TINAG: variants seen among roughly 807,000 people sequenced by gnomAD.
The protein encoded by TINAG is tubulointerstitial nephritis antigen.
In TINAG, 83 loss-of-function variants were observed where a neutral mutation model predicts 72.7. The ratio of observed to expected loss-of-function variants is 1.14; its 90% CI spans 0.96 to 1.37. The LOEUF (loss-of-function observed/expected upper bound fraction) is 1.37, where lower values mean the gene tolerates loss of function less well. Ranked by LOEUF, TINAG falls within the 40% of genes most tolerant of loss-of-function variation. The probability of loss-of-function intolerance (pLI) is 0.00; values close to 1 mark genes in which losing one functional copy is unlikely to be tolerated. For synonymous variants in TINAG, 234 were observed against 189.9 expected (o/e 1.23, Z -1.91); for missense variants, 685 against 576.6 (o/e 1.19, Z -1.93).
intron 1 of TINAG, among the ~76,000 whole-genome samples, chr6:54,312,166 C>T (rs1784274425): frequency 6.6e-6 from 1 of 152,054 alleles, no homozygotes; most frequent in Non-Finnish European, 1.5e-5. Context: ...TCAAGTGATT[C>T]TCCCACTTTA....
At position 54,380,484 on chromosome 6, in the gene TINAG, C is replaced by T. The variant is rs182997607; in HGVS notation, c.1251-42C>T. ...GCATTCTCTCAAGAAGCAAACCAAA[C>T]ATTTTAACCATACCAATCTTTATTA... On this transcript the variant is annotated intron_variant, in intron 9 of 10. Coordinates refer to ENST00000259782, the MANE Select transcript of TINAG (RefSeq NM_014464.4). 4.8e-4 allele frequency: 754 copies of T among 1,554,950 alleles called. 4 individuals carry two copies. The African/African-American group carries it at 6.9e-3, about 14-fold the overall frequency.
chr6:54,343,453 G>C, intron 5 of TINAG, 104 bp downstream of exon 5: 1 of 1,085,870 alleles, frequency 9.2e-7, no homozygotes. Flanking sequence ...TTAAATATTA[G>C]CATATGATCA....
intron 4 of TINAG, among the ~76,000 whole-genome samples, chr6:54,334,211 G>A (rs562055133): frequency 1.4e-4 from 22 of 152,250 alleles, no homozygotes; most frequent in African/African-American, 3.1e-4. Flanking sequence ...ATGAATGCCC[G>A]GGGCAGAGTG....
intron 9 of TINAG, among the ~76,000 whole-genome samples, chr6:54,365,952 C>A (rs1179498518): frequency 2.0e-5 from 3 of 151,476 alleles, no homozygotes; most frequent in African/African-American, 7.3e-5. Flanking sequence ...CTTGTTTGAG[C>A]CTAGGAGTTC....
chr6:54,372,470 A>G (rs1379832670), intron 9 of TINAG, among the ~76,000 whole-genome samples: 4 of 152,008 alleles, frequency 2.6e-5, no homozygotes, highest in African/African-American at 9.7e-5. Flanking sequence ...ATATAATAGA[A>G]TTCACATAGT....
At chr6:54,358,162 C>A (rs1409602112) in intron 9 of TINAG, among the ~76,000 whole-genome samples, 1 of 151,812 alleles carries the variant, frequency 6.6e-6, no homozygotes, top group African/African-American at 2.4e-5. Context: ...TCAGGTCTCA[C>A]CTTCTTAATA....
intron 1 of TINAG, among the ~76,000 whole-genome samples, chr6:54,318,214 C>T (rs537129879): frequency 6.6e-6 from 1 of 152,140 alleles, no homozygotes. Flanking sequence ...AATTCATGCT[C>T]CAGCCTGGGC....
intron 8 of TINAG, among the ~76,000 whole-genome samples, chr6:54,352,084 T>C (rs1367574973): frequency 6.6e-6 from 1 of 151,866 alleles, no homozygotes; most frequent in African/African-American, 2.4e-5. Flanking sequence ...ATGTATTCCC[T>C]GTATAAACAT....
chr6:54,348,339 G>C (rs1785175895), intron 6 of TINAG, among the ~76,000 whole-genome samples: 1 of 152,054 alleles, frequency 6.6e-6, no homozygotes, highest in African/African-American at 2.4e-5. Flanking sequence ...CTAGTGCTTG[G>C]TTGGCTTGCA....
chr6:54,321,583 A>G (rs1784492018), intron 3 of TINAG, among the ~76,000 whole-genome samples, 197 bp downstream of exon 3: 1 of 152,238 alleles, frequency 6.6e-6, no homozygotes, highest in Non-Finnish European at 1.5e-5. Flanking sequence ...TAATAAATCT[A>G]CAGCATAGCT....
chr6:54,360,313 A>G (rs560190146), intron 9 of TINAG, among the ~76,000 whole-genome samples: 41 of 151,836 alleles, frequency 2.7e-4, no homozygotes, highest in African/African-American at 9.6e-4. Context: ...AATTGAATAA[A>G]TAACACTATT....
chr6:54,357,319 C>T (rs1562171093), intron 9 of TINAG, among the ~76,000 whole-genome samples: 3 of 151,824 alleles, frequency 2.0e-5, no homozygotes, highest in Admixed American at 2.0e-4. Flanking sequence ...GTGAGCTCAT[C>T]ATTCTCTGAG....
rs1360957061 is a variant in TINAG at position 54,326,792 on chromosome 6, T to C, written c.510-10T>C. 1 of 1,578,974 alleles carries C rather than the reference T, an allele frequency of 6.3e-7. No homozygotes were observed. The highest frequency in any genetic ancestry group is 8.6e-7 in the Non-Finnish European group (1 of 1,165,972). ...TATTTTTCTATATTTTTCTCTCATT[T>C]GTAAGGCAGATGGACAGCACAGAAT... On this transcript the variant is annotated splice_polypyrimidine_tract_variant and intron_variant, in intron 3 of 10. Coordinates refer to ENST00000259782, the MANE Select transcript of TINAG (RefSeq NM_014464.4).
chr6:54,388,674 CCTTCATGATATT>C (rs1301267304), intron 10 of TINAG, among the ~76,000 whole-genome samples: 13 of 152,132 alleles, frequency 8.5e-5, no homozygotes. Context: ...TGTCCTTTGG[CCTTCATGATATT>C]CTCCATGTAC....
At chr6:54,382,861 A>G (rs945587561) in intron 10 of TINAG, among the ~76,000 whole-genome samples, 1 of 152,162 alleles carries the variant, frequency 6.6e-6, no homozygotes, top group African/African-American at 2.4e-5. Flanking sequence ...TCCCAAAAGG[A>G]AGGAAAAATC....
chr6:54,313,201 G>A (rs1023057552), intron 1 of TINAG, among the ~76,000 whole-genome samples: 1 of 152,162 alleles, frequency 6.6e-6, no homozygotes, highest in East Asian at 1.9e-4. Context: ...TGTCATGTTG[G>A]TATGATCCTT....
chr6:54,381,970 C>T (rs1476709025), intron 10 of TINAG, among the ~76,000 whole-genome samples: 1 of 152,052 alleles, frequency 6.6e-6, no homozygotes, highest in Admixed American at 6.6e-5. Context: ...CATTCCCACC[C>T]TAGATCCCTA....
chr6:54,322,036 T>C (rs1784502397), intron 3 of TINAG, among the ~76,000 whole-genome samples: 1 of 152,160 alleles, frequency 6.6e-6, no homozygotes, highest in East Asian at 1.9e-4. Context: ...GCGAGGTGGC[T>C]TATGCCTGTA....
At chr6:54,382,276 T>C (rs1763975590) in intron 10 of TINAG, among the ~76,000 whole-genome samples, 1 of 152,060 alleles carries the variant, frequency 6.6e-6, no homozygotes, top group Non-Finnish European at 1.5e-5. Flanking sequence ...GCACATTAAT[T>C]GAGGCTTTTT....
Sources: gnomAD v4.1 joint callset for allele counts (sites outside exome capture counted in the v4.1 genomes callset) on GRCh38, gnomAD v4.1.1 for gene constraint, MANE v1.5 for transcripts, NCBI Gene and HGNC (gene_info 2026-07-23, HGNC 2026-07-21) for gene names.